MAGI2: variants seen among roughly 807,000 people sequenced by gnomAD.
MAGI2 encodes membrane-associated guanylate kinase, WW and PDZ domain-containing protein 2.
A neutral mutation model predicts 133.3 loss-of-function variants in MAGI2; 35 were observed. The ratio of observed to expected loss-of-function variants is 0.26; its 90% confidence interval spans 0.20 to 0.35. The LOEUF (loss-of-function observed/expected upper bound fraction) is 0.35. Ranked by LOEUF, MAGI2 falls within the 10% of genes least tolerant of loss-of-function variation. MAGI2 has a pLI of 1.00. For missense variants in MAGI2, 1,636 were observed against 1,863.4 expected, an observed-to-expected ratio of 0.88 and a Z score of 2.25; for synonymous variants, 729 against 710.6, an observed-to-expected ratio of 1.03 and a Z score of -0.41.
At chr7:78,962,263 G>T (rs987177834) in intron 2 of MAGI2, among the ~76,000 whole-genome samples, 1 of 152,076 alleles carries the variant, frequency 6.6e-6, no homozygotes, top group Non-Finnish European at 1.5e-5. Flanking sequence ...AATTTAAAAT[G>T]TGACATGCTA....
intron 2 of MAGI2, among the ~76,000 whole-genome samples, chr7:78,763,473 T>C (rs913991722): frequency 6.6e-6 from 1 of 152,180 alleles, no homozygotes; most frequent in Non-Finnish European, 1.5e-5. Flanking sequence ...TAGCACACAC[T>C]GAGAGAGTAA....
intron 2 of MAGI2, among the ~76,000 whole-genome samples, chr7:78,976,125 GAGAAA>G (rs1554317996): frequency 6.6e-6 from 1 of 151,456 alleles, no homozygotes; most frequent in Non-Finnish European, 1.5e-5. Flanking sequence ...AAGGCGTTAC[GAGAAA>G]AGAAAACTGC....
At chr7:79,217,453 G>A (rs982244407) in intron 1 of MAGI2, among the ~76,000 whole-genome samples, 2 of 151,962 alleles carry the variant, frequency 1.3e-5, no homozygotes, top group Non-Finnish European at 2.9e-5. Context: ...TGTTCTAAGA[G>A]CTTTATATGT....
At chr7:78,979,649 T>G (rs1298946014) in intron 2 of MAGI2, among the ~76,000 whole-genome samples, 3 of 151,838 alleles carry the variant, frequency 2.0e-5, no homozygotes, top group Non-Finnish European at 2.9e-5. Flanking sequence ...GTTCTCAAGT[T>G]CAATTCCCAG....
intron 1 of MAGI2, among the ~76,000 whole-genome samples, chr7:79,042,428 G>A (rs1158153977): frequency 6.6e-5 from 10 of 152,074 alleles, no homozygotes; most frequent in African/African-American, 2.4e-4. Flanking sequence ...GTCATTACAT[G>A]TGAGATGCAT....
intron 1 of MAGI2, among the ~76,000 whole-genome samples, chr7:79,057,854 G>A (rs1338330244): frequency 6.6e-6 from 1 of 152,080 alleles, no homozygotes; most frequent in Non-Finnish European, 1.5e-5. Flanking sequence ...GAAGAAAGAT[G>A]GGAGATAAGA....
chr7:78,690,088 G>A lies in MAGI2; in HGVS notation c.419-62849C>T, dbSNP rs542352959. On this transcript the variant is annotated intron_variant, in intron 2 of 21. Transcript: ENST00000354212. ...CTATCAAAACTTTCATTTGGCTTTA[G>A]ACCATTTTCTTAGAAAAAAATCCCA... Among the ~76,000 whole-genome samples, 325 of 152,146 alleles carry A rather than the reference G, an allele frequency of 2.1e-3. 1 individual carries two copies. Among genetic ancestry groups the A allele is most frequent in the African/African-American group, 7.5e-3 (311 of 41,502 alleles).
chr7:78,250,772 A>T (rs1228718030), intron 10 of MAGI2, among the ~76,000 whole-genome samples: 1 of 152,102 alleles, frequency 6.6e-6, no homozygotes, highest in East Asian at 1.9e-4. Flanking sequence ...ATAAAAGCTC[A>T]GACTAGATGA....
Position 78,018,658 on chromosome 7 carries a change from C to T in MAGI2, c.*657G>A, listed in dbSNP as rs1288099521. The T allele has an allele frequency of 6.5e-6, 1 of 152,792 alleles. No homozygotes were observed. Among genetic ancestry groups the T allele is most frequent in the Non-Finnish European group, 1.5e-5 (1 of 68,264 alleles). The allele number at this position is 152,792 out of a possible 1,614,324, so 9.5% of individuals were successfully genotyped here. ...ATCACAGAAAGGGCAATAAAAATGG[C>T]ATCACACCAAGAAACTCACTAGATT... On this transcript the variant is annotated 3_prime_UTR_variant, in exon 22 of 22. Transcript: ENST00000354212.
chr7:79,077,918 A>AT (rs139837959), intron 1 of MAGI2, among the ~76,000 whole-genome samples: 4,155 of 152,086 alleles, frequency 0.027, 200 homozygotes, highest in African/African-American at 0.095. Flanking sequence ...TATAGTTTTT[A>AT]TTTTTTTCCC....
chr7:78,743,124 G>A (rs770926280), intron 2 of MAGI2, among the ~76,000 whole-genome samples: 4 of 152,152 alleles, frequency 2.6e-5, no homozygotes, highest in Admixed American at 1.3e-4. Context: ...GATTATCGCT[G>A]TTTTAAATCA....
At chr7:79,076,787 AT>A (rs1412879091) in intron 1 of MAGI2, among the ~76,000 whole-genome samples, 3 of 152,136 alleles carry the variant, frequency 2.0e-5, no homozygotes, top group African/African-American at 7.2e-5. Flanking sequence ...CTTCTTTTTA[AT>A]GTAAATTTTA....
At chr7:79,256,925 C>T (rs1486442669) in intron 1 of MAGI2, among the ~76,000 whole-genome samples, 2 of 151,910 alleles carry the variant, frequency 1.3e-5, no homozygotes, top group African/African-American at 4.8e-5. Context: ...AATATTGGTC[C>T]AAGGATACAA....
chr7:78,360,883 G>A (rs1236066336), intron 7 of MAGI2, among the ~76,000 whole-genome samples: 1 of 152,202 alleles, frequency 6.6e-6, no homozygotes, highest in African/African-American at 2.4e-5. Flanking sequence ...GAAGGAGCAT[G>A]GTCCTTCTTT....
chr7:78,197,246 T>C (rs1225290759), intron 11 of MAGI2, among the ~76,000 whole-genome samples: 1 of 152,238 alleles, frequency 6.6e-6, no homozygotes, highest in African/African-American at 2.4e-5. Context: ...TCGGTAATTT[T>C]TCACTTTAGC....
chr7:78,169,902 T>C (rs1825959399), intron 14 of MAGI2, among the ~76,000 whole-genome samples: 1 of 152,220 alleles, frequency 6.6e-6, no homozygotes, highest in South Asian at 2.1e-4. Flanking sequence ...TTTATGAGTT[T>C]CTTTATAAAG....
chr7:79,278,086 G>A (rs1293023306), intron 1 of MAGI2, among the ~76,000 whole-genome samples: 2 of 152,150 alleles, frequency 1.3e-5, no homozygotes, highest in East Asian at 3.9e-4. Context: ...AGTGGCAGGT[G>A]TTTGGATCAA....
intron 20 of MAGI2, among the ~76,000 whole-genome samples, chr7:78,083,389 A>AGAGAGG (rs1816242094): frequency 1.8e-4 from 1 of 5,650 alleles, no homozygotes; most frequent in Non-Finnish European, 4.1e-4. Flanking sequence ...GGAGGGGGGG[A>AGAGAGG]GAGAGAGAGA....
intron 2 of MAGI2, among the ~76,000 whole-genome samples, chr7:78,733,179 C>T (rs966199282): frequency 1.3e-5 from 2 of 152,136 alleles, no homozygotes; most frequent in Non-Finnish European, 2.9e-5. Flanking sequence ...TCTTTAGTAA[C>T]ACAAGCAGAT....
Sources: allele counts gnomAD v4.1 joint callset (sites outside exome capture counted in the v4.1 genomes callset), GRCh38; gene constraint gnomAD v4.1.1; transcripts MANE v1.5; gene names NCBI Gene and HGNC (gene_info 2026-07-23, HGNC 2026-07-21).